TRAK1: variants seen among roughly 807,000 people sequenced by gnomAD.
TRAK1 encodes trafficking kinesin protein 1, also known as trafficking kinesin-binding protein 1.
In TRAK1, 33 loss-of-function variants were observed where a neutral mutation model predicts 92.1. The ratio of observed to expected loss-of-function variants is 0.36; its 90% CI spans 0.27 to 0.48. The LOEUF (loss-of-function observed/expected upper bound fraction) is 0.48, where lower values mean the gene tolerates loss of function less well. Among genes scored for constraint, TRAK1 ranks in the 20% least tolerant of loss-of-function variants. The probability of loss-of-function intolerance (pLI) is 0.99; values close to 1 mark genes in which losing one functional copy is unlikely to be tolerated. For missense variants in TRAK1, 1,123 were observed against 1,257.9 expected (o/e 0.89, Z 1.62); for synonymous variants, 521 against 517.3 (o/e 1.01, Z -0.10).
intron 1 of TRAK1, among the ~76,000 whole-genome samples, chr3:42,103,180 T>TC (rs914339261): frequency 2.6e-5 from 4 of 152,158 alleles, no homozygotes; most frequent in Admixed American, 2.6e-4. Flanking sequence ...TTCTTTTTTT[T>TC]CTTTTGAGAT....
At chr3:42,169,692 G>C (rs1183510520) in intron 2 of TRAK1, among the ~76,000 whole-genome samples, 3 of 151,892 alleles carry the variant, frequency 2.0e-5, no homozygotes, top group Non-Finnish European at 2.9e-5. Context: ...AAAAAAGTGG[G>C]GATAAAAGTA....
chr3:42,108,203 G>A (rs1707854727), intron 1 of TRAK1, among the ~76,000 whole-genome samples: 1 of 152,018 alleles, frequency 6.6e-6, no homozygotes, highest in East Asian at 1.9e-4. Flanking sequence ...TTAAAAATAT[G>A]ATGCAGGCTG....
chr3:42,029,139 G>T (rs905980465), intron 1 of TRAK1, among the ~76,000 whole-genome samples: 1 of 152,104 alleles, frequency 6.6e-6, no homozygotes, highest in Non-Finnish European at 1.5e-5. Flanking sequence ...CAAGGGGGAT[G>T]GTGTTAAACC....
intron 2 of TRAK1, among the ~76,000 whole-genome samples, chr3:42,147,863 C>T (rs916026137): frequency 1.8e-4 from 28 of 152,294 alleles, no homozygotes; most frequent in African/African-American, 5.1e-4. Context: ...CACAACACAA[C>T]GTTACAGGCT....
At chr3:42,095,126 C>G (rs769358534) in intron 1 of TRAK1, among the ~76,000 whole-genome samples, 13 of 152,232 alleles carry the variant, frequency 8.5e-5, no homozygotes, top group Non-Finnish European at 1.3e-4. Flanking sequence ...GTCAAGGAGA[C>G]ACATATTATA....
At position 42,082,070 on chromosome 3, in the gene TRAK1, C is replaced by T. The variant is rs550324020; in HGVS notation, c.-518-5034C>T. ...GAGTCTTGAGTGAGGTGAGCATTTG[C>T]TGATGTCTCCAAATTTTGTTTTTTT... is the stretch of plus-strand genomic sequence containing the variant. On this transcript the variant is annotated intron_variant, in intron 1 of 16. Transcript: ENST00000487159. Among the ~76,000 whole-genome samples, 5 of 152,196 alleles carry T rather than the reference C, an allele frequency of 3.3e-5. No individual in the cohort carries two copies. The East Asian group carries it at 7.7e-4, about 23-fold the overall frequency.
chr3:42,107,814 C>T (rs13065613), intron 1 of TRAK1, among the ~76,000 whole-genome samples: 1 of 151,840 alleles, frequency 6.6e-6, no homozygotes, highest in African/African-American at 2.4e-5. Context: ...ATTTATTTTT[C>T]TCTAAAGTAT....
At chr3:42,083,382 A>C (rs1231797637), upstream of TRAK1, among the ~76,000 whole-genome samples, 2 of 152,000 alleles carry the variant, frequency 1.3e-5, no homozygotes, top group Non-Finnish European at 2.9e-5. Context: ...TGCCAGTTTT[A>C]CTTTACCATG....
At position 42,176,857 on chromosome 3, in the gene TRAK1, T is replaced by C. The variant is rs1703288880; in HGVS notation, c.330T>C (p.Asn110=). The change falls in exon 3 of 16, where the codon AAT becomes AAC. Residue 110 remains asparagine, a synonymous_variant. Coordinates refer to ENST00000327628, the MANE Select transcript of TRAK1 (RefSeq NM_001042646.3). Reference sequence around the variant, plus strand: ...TTGGCCAGATGACTAAGACATATAATGACATAGATGCTGTCACTCGGCTTC... The same window carrying C: ...TTGGCCAGATGACTAAGACATATAACGACATAGATGCTGTCACTCGGCTTC... ...ERVGQMTKTY[N]DIDAVTRLLE... 3.1e-6 allele frequency: 5 copies of C among 1,614,162 alleles called. No homozygotes were observed. The highest frequency in any genetic ancestry group is 4.2e-6 in the Non-Finnish European group (5 of 1,180,006).
At chr3:42,045,702 G>A (rs150144378) in intron 1 of TRAK1, among the ~76,000 whole-genome samples, 2,183 of 152,300 alleles carry the variant, frequency 0.014, 143 homozygotes, top group Admixed American at 0.12. Flanking sequence ...GGGGGCATTT[G>A]CTGGACTTGA....
chr3:42,053,371 C>T (rs1169113377), intron 1 of TRAK1, among the ~76,000 whole-genome samples: 2 of 1,108 alleles, frequency 1.8e-3, no homozygotes, highest in African/African-American at 7.7e-3. Flanking sequence ...CATTCAGAGT[C>T]GGGTGGGGGG....
intron 1 of TRAK1, among the ~76,000 whole-genome samples, chr3:42,036,447 GTC>G (rs1702328848): frequency 6.6e-6 from 1 of 152,160 alleles, no homozygotes; most frequent in African/African-American, 2.4e-5. Flanking sequence ...AAGTTGCTCT[GTC>G]TCTCTGCCAG....
intron 2 of TRAK1, among the ~76,000 whole-genome samples, chr3:42,148,588 C>A (rs1699600190): frequency 6.6e-6 from 1 of 152,244 alleles, no homozygotes; most frequent in African/African-American, 2.4e-5. Context: ...CTTTTTTCTT[C>A]TAGTGTGCAC....
At chr3:42,061,185 C>G (rs1001167019) in intron 1 of TRAK1, among the ~76,000 whole-genome samples, 2 of 152,110 alleles carry the variant, frequency 1.3e-5, no homozygotes, top group Admixed American at 6.5e-5. Context: ...CTTGACCCAG[C>G]TTCCTCTAAT....
At chr3:42,054,571 A>G (rs1224015539) in intron 1 of TRAK1, among the ~76,000 whole-genome samples, 2 of 152,206 alleles carry the variant, frequency 1.3e-5, no homozygotes, top group Non-Finnish European at 2.9e-5. Flanking sequence ...GGTGCCTGGA[A>G]GAAGCATTCA....
chr3:42,157,732 A>G (rs543186563), intron 2 of TRAK1, among the ~76,000 whole-genome samples: 3 of 152,308 alleles, frequency 2.0e-5, no homozygotes, highest in Non-Finnish European at 4.4e-5. Context: ...AAGAAGACTC[A>G]AGAGACCTGG....
At chr3:42,139,638 G>C (rs983861796) in intron 2 of TRAK1, among the ~76,000 whole-genome samples, 1 of 151,934 alleles carries the variant, frequency 6.6e-6, no homozygotes. Flanking sequence ...CACCTGCCAG[G>C]TTTCATTTTT....
intron 2 of TRAK1, among the ~76,000 whole-genome samples, chr3:42,145,494 A>G (rs1462149169): frequency 6.6e-6 from 1 of 150,768 alleles, no homozygotes; most frequent in Non-Finnish European, 1.5e-5. Flanking sequence ...CAAAAAAAAA[A>G]AAAAAACCTA....
At chr3:42,094,696 T>C (rs1190440359) in intron 1 of TRAK1, among the ~76,000 whole-genome samples, 2 of 152,188 alleles carry the variant, frequency 1.3e-5, no homozygotes, top group African/African-American at 4.8e-5. Flanking sequence ...TAACTAGATC[T>C]GGAAGAAATA....
Sources: allele counts gnomAD v4.1 joint callset (sites outside exome capture counted in the v4.1 genomes callset), GRCh38; gene constraint gnomAD v4.1.1; transcripts MANE v1.5; gene names NCBI Gene and HGNC (gene_info 2026-07-23, HGNC 2026-07-21).